The following RBFOX1 variants were observed in gnomAD, a reference collection of about 807,000 sequenced individuals.
RBFOX1 encodes RNA binding fox-1 homolog 1.
A neutral mutation model predicts 57.7 loss-of-function variants in RBFOX1; 8 were observed. The observed-to-expected ratio is 0.14, with a 90% CI of 0.08 to 0.25. The LOEUF is 0.25. RBFOX1 is among the 10% of genes least tolerant of loss of function. The pLI, the probability that RBFOX1 is intolerant of heterozygous loss-of-function variation, is 1.00. For synonymous variants in RBFOX1, 326 were observed against 222.4 expected (o/e 1.47, Z -4.15); for missense variants, 611 against 548.5 (o/e 1.11, Z -1.14).
At chr16:6,804,862 C>G (rs1309735331) in intron 3 of RBFOX1, among the ~76,000 whole-genome samples, 1 of 152,130 alleles carries the variant, frequency 6.6e-6, no homozygotes, top group African/African-American at 2.4e-5. Flanking sequence ...TAGTCAATTT[C>G]ATTCTTAAAA....
intron 4 of RBFOX1, among the ~76,000 whole-genome samples, chr16:7,247,275 A>C (rs1425888391): frequency 6.6e-6 from 1 of 152,050 alleles, no homozygotes; most frequent in African/African-American, 2.4e-5. Flanking sequence ...ACCGCATCAC[A>C]CTCGCTGCCG....
At chr16:5,389,952 G>A (rs566655581) in intron 1 of RBFOX1, among the ~76,000 whole-genome samples, 5 of 152,074 alleles carry the variant, frequency 3.3e-5, no homozygotes, top group East Asian at 1.9e-4. Context: ...CCCTTCCTCC[G>A]CCTCCCAAAG....
intron 4 of RBFOX1, among the ~76,000 whole-genome samples, chr16:7,348,318 C>T (rs1401016586): frequency 6.6e-6 from 1 of 152,174 alleles, no homozygotes; most frequent in Non-Finnish European, 1.5e-5. Flanking sequence ...TATCTACTCT[C>T]ATCGTATTCA....
chr16:7,686,334 G>A (rs745856159), intron 14 of RBFOX1, among the ~76,000 whole-genome samples: 5 of 151,976 alleles, frequency 3.3e-5, no homozygotes, highest in African/African-American at 7.2e-5. Flanking sequence ...ATTGGGAACC[G>A]CAAGATCAAA....
At chr16:5,538,667 C>A (rs1015872832) in intron 2 of RBFOX1, among the ~76,000 whole-genome samples, 2 of 149,352 alleles carry the variant, frequency 1.3e-5, no homozygotes, top group Non-Finnish European at 3.0e-5. Flanking sequence ...CCCTTGTTGC[C>A]TAGGCTGGAG....
rs755480948 is a variant in RBFOX1 at position 5,797,238 on chromosome 16, CT to C, written c.319-70062del. Among the ~76,000 whole-genome samples, 162 of 152,230 alleles carry C rather than the reference CT, an allele frequency of 1.1e-3. 1 individual carries two copies. The Middle Eastern group carries it at 0.014, about 13-fold the overall frequency. ...TATCACTATTCTTTACCTTTTGGAT[CT>C]TTGAAGGTAAACTACATAGACTGGA... On this transcript the variant is annotated intron_variant, in intron 3 of 19. Coordinates refer to the RBFOX1 transcript ENST00000641259.
At chr16:6,299,254 C>G (rs2078507356) in intron 1 of RBFOX1, among the ~76,000 whole-genome samples, 1 of 152,214 alleles carries the variant, frequency 6.6e-6, no homozygotes, top group South Asian at 2.1e-4. Flanking sequence ...CCTATTTTTG[C>G]TCTTCCGTCT....
chr16:6,264,014 T>A (rs1441410348), intron 1 of RBFOX1, among the ~76,000 whole-genome samples: 1 of 152,160 alleles, frequency 6.6e-6, no homozygotes. Flanking sequence ...TTAGGTAAAT[T>A]GTTCTAGACT....
intron 1 of RBFOX1, among the ~76,000 whole-genome samples, chr16:6,082,624 G>A (rs2096021006): frequency 6.6e-6 from 1 of 151,952 alleles, no homozygotes; most frequent in Admixed American, 6.6e-5. Flanking sequence ...TCACATGCCT[G>A]TGCCTAAACC....
chr16:6,336,098 G>T lies in RBFOX1; in HGVS notation c.-64+19041G>T, dbSNP rs1404677343. 3.2e-5 allele frequency among the ~76,000 whole-genome samples: 4 copies of T among 125,036 alleles called. No individual in the cohort carries two copies. The Admixed American group carries it at 3.9e-4, about 12-fold the overall frequency. The allele number at this position is 125,036 out of a possible 152,430, so 82.0% of individuals were successfully genotyped here. ...TAAATGGAACAACAAATGGATACTTGCAAATAAGAAGGCTTAAATAACTGT... is the reference window on the plus strand; with the variant it reads ...TAAATGGAACAACAAATGGATACTTTCAAATAAGAAGGCTTAAATAACTGT... On this transcript the variant is annotated intron_variant, in intron 2 of 15. Coordinates refer to ENST00000550418, the MANE Select transcript of RBFOX1 (RefSeq NM_018723.4).
chr16:7,046,118 A>T (rs1400928699), intron 3 of RBFOX1, among the ~76,000 whole-genome samples: 2 of 152,164 alleles, frequency 1.3e-5, no homozygotes, highest in African/African-American at 2.4e-5. Flanking sequence ...AGAAAGCATT[A>T]AGAAGGAAGC....
At position 7,414,999 on chromosome 16, in the gene RBFOX1, C is replaced by G. The variant is rs145648344; in HGVS notation, c.28-103148C>G. Among the ~76,000 whole-genome samples, 975 of 152,276 alleles carry G rather than the reference C, an allele frequency of 6.4e-3. 8 individuals carry two copies. Among genetic ancestry groups the G allele is most frequent in the African/African-American group, 0.021 (877 of 41,558 alleles). ...TACAGATGAGGGGAGTTGTGAGGAG[C>G]TTATATGATCACATAGTGAATGGCC... On this transcript the variant is annotated intron_variant, in intron 4 of 15. Coordinates refer to ENST00000550418, the MANE Select transcript of RBFOX1 (RefSeq NM_018723.4).
At chr16:7,342,154 C>G (rs1056997743) in intron 4 of RBFOX1, among the ~76,000 whole-genome samples, 1 of 152,182 alleles carries the variant, frequency 6.6e-6, no homozygotes, top group African/African-American at 2.4e-5. Context: ...CTGGCCATTA[C>G]TCTCTCTGTG....
chr16:7,238,802 C>T (rs1240457175), intron 4 of RBFOX1, among the ~76,000 whole-genome samples: 1 of 152,186 alleles, frequency 6.6e-6, no homozygotes, highest in Non-Finnish European at 1.5e-5. Context: ...TGACCTCCAC[C>T]TGCCAAGAGA....
At chr16:7,568,978 A>T (rs1049049742) in intron 5 of RBFOX1, among the ~76,000 whole-genome samples, 2 of 151,520 alleles carry the variant, frequency 1.3e-5, no homozygotes, top group East Asian at 1.9e-4. Flanking sequence ...CCTATTCAAG[A>T]TGGAGTTGCT....
chr16:7,492,354 T>A (rs10492754), intron 4 of RBFOX1, among the ~76,000 whole-genome samples: 1 of 151,928 alleles, frequency 6.6e-6, no homozygotes, highest in Non-Finnish European at 1.5e-5. Context: ...GTGAATTTAA[T>A]GATGTGGTGA....
At chr16:7,158,239 A>C (rs1332008898) in intron 4 of RBFOX1, among the ~76,000 whole-genome samples, 1 of 152,144 alleles carries the variant, frequency 6.6e-6, no homozygotes, top group Non-Finnish European at 1.5e-5. Flanking sequence ...CCAGCTACTT[A>C]GGAGGCTGAG....
At chr16:6,438,741 C>T (rs924895848) in intron 2 of RBFOX1, among the ~76,000 whole-genome samples, 2 of 152,098 alleles carry the variant, frequency 1.3e-5, no homozygotes, top group African/African-American at 2.4e-5. Context: ...GTATAAGAGC[C>T]TCACCATGCA....
At chr16:6,055,665 C>G (rs2095606489) in intron 1 of RBFOX1, among the ~76,000 whole-genome samples, 2 of 149,050 alleles carry the variant, frequency 1.3e-5, no homozygotes, top group Admixed American at 6.7e-5. Flanking sequence ...AGTTTGCAGT[C>G]TGAGAAGCGA....
Sources: gnomAD v4.1 joint callset for allele counts (sites outside exome capture counted in the v4.1 genomes callset) on GRCh38, gnomAD v4.1.1 for gene constraint, MANE v1.5 for transcripts, NCBI Gene and HGNC (gene_info 2026-07-23, HGNC 2026-07-21) for gene names.